Variants in ABCA5 observed in about 807,000 individuals in gnomAD.
ABCA5 encodes the protein ATP binding cassette subfamily A member 5.
Under a neutral mutation model 206.0 loss-of-function variants are expected in ABCA5, and 163 were observed. The ratio of observed to expected loss-of-function variants is 0.79; its 90% CI spans 0.70 to 0.90. The LOEUF is 0.90. Ranked by LOEUF, ABCA5 falls within the 40% of genes least tolerant of loss-of-function variation. The probability of loss-of-function intolerance (pLI) is 0.00; values close to 1 mark genes in which losing one functional copy is unlikely to be tolerated. For synonymous variants in ABCA5, 609 were observed against 613.8 expected (o/e 0.99, Z 0.11); for missense variants, 1,859 against 1,912.9 (o/e 0.97, Z 0.53).
intron 38 of ABCA5, 100 bp from the exon 39 acceptor site, chr17:69,247,744 A>G (rs1037048414): frequency 1.8e-6 from 1 of 556,744 alleles, no homozygotes; most frequent in Non-Finnish European, 3.1e-6. Context: ...ATCTAGTTAT[A>G]TCAACAAGTA....
intron 1 of ABCA5, among the ~76,000 whole-genome samples, chr17:69,316,424 T>C (rs2075816125): frequency 6.6e-6 from 1 of 151,312 alleles, no homozygotes; most frequent in Non-Finnish European, 1.5e-5. Context: ...TAGGAGGAGG[T>C]TGCAGTGAGC....
Position 69,253,653 on chromosome 17 carries a change from T to A in ABCA5, c.4335A>T (p.Leu1445=). Residue 1445 remains leucine (L), a synonymous_variant, in exon 34 of 39, where the codon CTA becomes CTT. Transcript: ENST00000392676. ...TAATCTGAGGATTCCCTAGCATACT[T>A]AGAGCAAAACACAACTACATGGAAA... ...AGIKRKLCFA[L]SMLGNPQITL... is the part of the protein sequence containing the mutation. The A allele has an allele frequency of 1.2e-6, 2 of 1,613,634 alleles. No individual in the cohort carries two copies. Among genetic ancestry groups the A allele is most frequent in the Non-Finnish European group, 1.7e-6 (2 of 1,179,690 alleles).
chr17:69,291,191 T>C, intron 12 of ABCA5, 25 bp downstream of exon 12: 1 of 1,478,750 alleles, frequency 6.8e-7, no homozygotes, highest in Non-Finnish European at 9.1e-7. Flanking sequence ...ATGAAGTTTT[T>C]TTTTCTTTAA....
Position 69,261,254 on chromosome 17 carries a change from C to T in ABCA5, c.3435G>A (p.Ala1145=), listed in dbSNP as rs761263417. ...EFWSFIYSVA[A]LACIAITEIT... is the part of the protein sequence containing the mutation. ...TTTCAGTGATTGCAATACAAGCCAA[C>T]GCTGCCTAAAGAAAAAAATAAATAA... Residue 1145 remains alanine (A), a synonymous_variant, in exon 26 of 39, where the codon GCG becomes GCA. Transcript: ENST00000392676. The T allele has an allele frequency of 2.3e-5, 36 of 1,587,306 alleles. No individual in the cohort carries two copies. Among genetic ancestry groups the T allele is most frequent in the Middle Eastern group, 1.7e-4 (1 of 5,904 alleles).
At chr17:69,275,562 T>C (rs1027923906) in intron 19 of ABCA5, among the ~76,000 whole-genome samples, 2 of 152,200 alleles carry the variant, frequency 1.3e-5, no homozygotes, top group African/African-American at 4.8e-5. Flanking sequence ...AATTAAATAA[T>C]ATTTGGAAAC....
At position 69,318,180 on chromosome 17, in the gene ABCA5, C is replaced by T. The variant is rs145780243; in HGVS notation, c.-15-3750G>A. On this transcript the variant is annotated intron_variant, in intron 1 of 38. Coordinates refer to ENST00000392676, the MANE Select transcript of ABCA5 (RefSeq NM_172232.4). ...AGGCTGGAGTGCAATGGCACAGTCT[C>T]GGCTCCTGGGTTCAAGCAATTCTCC... Among the ~76,000 whole-genome samples the T allele has an allele frequency of 7.5e-4, 114 of 151,500 alleles. 1 individual carries two copies. Among genetic ancestry groups the T allele is most frequent in the African/African-American group, 2.7e-3 (112 of 41,264 alleles).
In ABCA5 at chr17:69,304,859, C is replaced by T. The variant is rs372724640; in HGVS notation, c.789-49G>A. 2.8e-6 allele frequency: 4 copies of T among 1,411,186 alleles called. No individual in the cohort carries two copies. The African/African-American group carries it at 4.4e-5, about 16-fold the overall frequency. 87.4% of individuals were successfully genotyped at this position (1,411,186 alleles called of 1,614,324 possible). On this transcript the variant is annotated intron_variant, in intron 6 of 38. Coordinates refer to ENST00000392676, the MANE Select transcript of ABCA5 (RefSeq NM_172232.4). ...TTATGGTCAAATGCATAGGCTTAAC[C>T]AGTTAAAAAATCATTTTAAACAAAA...
intron 24 of ABCA5, among the ~76,000 whole-genome samples, chr17:69,263,241 T>G (rs1043803954): frequency 2.6e-5 from 4 of 152,232 alleles, no homozygotes; most frequent in African/African-American, 9.6e-5. Context: ...TTTAATTAGG[T>G]GCCACTTGTC....
At chr17:69,298,690 T>G (rs553465673) in intron 9 of ABCA5, among the ~76,000 whole-genome samples, 1 of 134,816 alleles carries the variant, frequency 7.4e-6, no homozygotes, top group Non-Finnish European at 1.6e-5. Flanking sequence ...TATACAAAAA[T>G]CAACTCAAGA....
In ABCA5 at chr17:69,277,774, G is replaced by C; in HGVS notation, c.2461C>G (p.Gln821Glu). ...GTTTCAGAAAGAATAAGTAAGCTCT[G>C]TTCCATTTCATCAAAAGATTTTGAA... is the stretch of plus-strand genomic sequence containing the variant. ...MDSKSFDEMEQSLLILSETKA... is the reference protein window; with the variant it reads ...MDSKSFDEMEESLLILSETKA... Residue 821 changes from glutamine to glutamate, a missense_variant, in exon 19 of 39, where the codon CAG becomes GAG. By Grantham distance (29) the Gln-to-Glu change is conservative. Coordinates refer to ENST00000392676, the MANE Select transcript of ABCA5 (RefSeq NM_172232.4). 6.3e-7 allele frequency: 1 copy of C among 1,597,968 alleles called. No homozygotes were observed. Among genetic ancestry groups the C allele is most frequent in the Non-Finnish European group, 8.5e-7 (1 of 1,174,164 alleles).
intron 29 of ABCA5, 54 bp from the exon 30 acceptor site, chr17:69,255,904 A>G: frequency 1.4e-6 from 2 of 1,396,026 alleles, no homozygotes; most frequent in South Asian, 2.8e-5. Context: ...TCATGAAATG[A>G]CAGGCTGCAC....
Position 69,286,083 on chromosome 17 carries a change from C to A in ABCA5, c.2133-46G>T, listed in dbSNP as rs781433010. 5 of 1,578,930 alleles carry A rather than the reference C, an allele frequency of 3.2e-6. No individual in the cohort carries two copies. The East Asian group carries it at 6.8e-5, about 21-fold the overall frequency. ...CAATTAATGATTATACAATAAACAG[C>A]CAAAAGTAAATTATGAAGGCTTTAA... On this transcript the variant is annotated intron_variant, in intron 16 of 38. Transcript: ENST00000392676.
intron 34 of ABCA5, among the ~76,000 whole-genome samples, chr17:69,252,126 C>T (rs2075021584): frequency 6.6e-6 from 1 of 151,878 alleles, no homozygotes; most frequent in East Asian, 1.9e-4. Flanking sequence ...ATTCTCCTAC[C>T]TCAGCCTCCT....
chr17:69,308,619 A>T (rs1237368783), intron 4 of ABCA5, among the ~76,000 whole-genome samples: 7 of 152,224 alleles, frequency 4.6e-5, no homozygotes, highest in Non-Finnish European at 7.4e-5. Flanking sequence ...GTAAAGAAAG[A>T]AATTAATTGT....
chr17:69,310,613 A>G (rs1231817414), intron 3 of ABCA5, among the ~76,000 whole-genome samples: 2 of 152,008 alleles, frequency 1.3e-5, no homozygotes, highest in Middle Eastern at 3.2e-3. Flanking sequence ...TTCTTAGAAG[A>G]TAAGTGGAAA....
rs1421340918 is a variant in ABCA5, at chr17:69,326,344, A to G, written c.-16+708T>C. ...CTTGTAGAAAGTAAACGTGGTTATT[A>G]TCTTCATTATTTTCGGACTTATTTA... On this transcript the variant is annotated intron_variant, in intron 1 of 38. Coordinates refer to ENST00000392676, the MANE Select transcript of ABCA5 (RefSeq NM_172232.4). This position sits in a 1 kb window ranked among gnomAD's most constrained non-coding sequence, Gnocchi z 4.8. Among the ~76,000 whole-genome samples, 1 of 152,230 alleles carries G rather than the reference A, an allele frequency of 6.6e-6. No individual in the cohort carries two copies. The highest frequency in any genetic ancestry group is 2.4e-5 in the African/African-American group (1 of 41,470).
chr17:69,312,212 C>A (rs913943310), intron 3 of ABCA5, among the ~76,000 whole-genome samples: 10 of 152,294 alleles, frequency 6.6e-5, no homozygotes, highest in African/African-American at 2.2e-4. Context: ...GCTTTAGGTT[C>A]TCTCACAGCC....
intron 19 of ABCA5, among the ~76,000 whole-genome samples, chr17:69,275,978 A>G (rs1555578546): frequency 6.6e-6 from 1 of 152,158 alleles, no homozygotes; most frequent in Non-Finnish European, 1.5e-5. Context: ...CTGATCTCAG[A>G]ACTGCAGCCA....
Position 69,287,612 on chromosome 17 carries a change from C to T in ABCA5, c.2041+1G>A. ...CTTCGAAAATAAAACAAAAATCTCA[C>T]CTGCAAGAATGTCAGCTTCATCCAT... On this transcript the variant is annotated splice_donor_variant, in intron 15 of 38. Transcript: ENST00000392676. LOFTEE classifies it high-confidence loss of function. 3 of 1,607,546 alleles carry T rather than the reference C, an allele frequency of 1.9e-6. No individual in the cohort carries two copies. Among genetic ancestry groups the T allele is most frequent in the Non-Finnish European group, 2.5e-6 (3 of 1,177,154 alleles).
Sources: gnomAD v4.1 joint callset for allele counts (sites outside exome capture counted in the v4.1 genomes callset) on GRCh38, gnomAD v4.1.1 for gene constraint, Gnocchi (gnomAD v3.1) non-coding constraint, MANE v1.5 for transcripts, NCBI Gene and HGNC (gene_info 2026-07-23, HGNC 2026-07-21) for gene names.